The following AUTS2 variants were observed in gnomAD, a reference collection of about 807,000 sequenced individuals.
The protein encoded by AUTS2 is activator of transcription and developmental regulator AUTS2.
Under a neutral mutation model 112.4 loss-of-function variants are expected in AUTS2, and 17 were observed. That is an observed-to-expected ratio of 0.15 (90% CI 0.10 to 0.23). The LOEUF (loss-of-function observed/expected upper bound fraction) is 0.23, where lower values mean the gene tolerates loss of function less well. Among genes scored for constraint, AUTS2 ranks in the 10% least tolerant of loss-of-function variants. AUTS2 has a pLI of 1.00. For synonymous variants in AUTS2, 751 were observed against 702.7 expected (o/e 1.07, Z -1.09); for missense variants, 1,510 against 1,701.6 (o/e 0.89, Z 1.98).
In AUTS2 at chr7:70,064,750, A is replaced by G. The variant is rs574988811; in HGVS notation, c.523-53382A>G. On this transcript the variant is annotated intron_variant, in intron 2 of 18. Transcript: ENST00000342771. Reference sequence around the variant, plus strand: ...TTTTTAAGAGTCATAGTATGGAGAAAGTCCCCTTGTGAAGCTTTGTGTTGG... The same window carrying G: ...TTTTTAAGAGTCATAGTATGGAGAAGGTCCCCTTGTGAAGCTTTGTGTTGG... Among the ~76,000 whole-genome samples the G allele has an allele frequency of 2.0e-5, 3 of 152,332 alleles. No homozygotes were observed. The East Asian group carries it at 5.8e-4, about 29-fold the overall frequency.
intron 4 of AUTS2, among the ~76,000 whole-genome samples, chr7:70,224,877 G>T (rs1811683320): frequency 6.6e-6 from 1 of 152,210 alleles, no homozygotes; most frequent in Admixed American, 6.5e-5. Context: ...ACAGTCACAT[G>T]CAAGTTTATA....
intron 1 of AUTS2, among the ~76,000 whole-genome samples, chr7:69,651,406 G>C (rs1439575072): frequency 6.6e-6 from 1 of 152,206 alleles, no homozygotes; most frequent in Non-Finnish European, 1.5e-5. Flanking sequence ...ATTTTACTCC[G>C]TGGCTAATAT....
intron 2 of AUTS2, among the ~76,000 whole-genome samples, chr7:69,940,708 A>G (rs1407864938): frequency 6.6e-6 from 1 of 152,184 alleles, no homozygotes; most frequent in East Asian, 1.9e-4. Flanking sequence ...ATAGAGGGAG[A>G]CAGTAGAGGA....
intron 5 of AUTS2, among the ~76,000 whole-genome samples, chr7:70,443,342 T>C (rs1015509208): frequency 3.3e-5 from 5 of 152,304 alleles, no homozygotes; most frequent in African/African-American, 7.2e-5. Flanking sequence ...ACCAGCTGTA[T>C]GGCCTTGGGC....
intron 1 of AUTS2, among the ~76,000 whole-genome samples, chr7:69,891,820 G>A (rs1203575925): frequency 1.7e-5 from 1 of 57,254 alleles, no homozygotes; most frequent in Non-Finnish European, 3.2e-5. Flanking sequence ...TTGAGATGGA[G>A]TATCTCTCTG....
chr7:69,684,006 C>T (rs946217549), intron 1 of AUTS2, among the ~76,000 whole-genome samples: 7 of 152,198 alleles, frequency 4.6e-5, no homozygotes, highest in African/African-American at 7.2e-5. Flanking sequence ...TTTTCTCCAG[C>T]TATAAAATGA....
chr7:69,686,286 CT>C (rs1296522136), intron 1 of AUTS2, among the ~76,000 whole-genome samples: 1 of 152,062 alleles, frequency 6.6e-6, no homozygotes, highest in Non-Finnish European at 1.5e-5. Context: ...AATGTCAGAC[CT>C]TTAGGAACAA....
intron 1 of AUTS2, among the ~76,000 whole-genome samples, chr7:69,619,566 T>G (rs189553348): frequency 6.6e-6 from 1 of 152,296 alleles, no homozygotes; most frequent in Admixed American, 6.5e-5. Context: ...AATGATCAGT[T>G]CTGTGTGGAC....
At chr7:70,068,650 G>A (rs1802611366) in intron 2 of AUTS2, among the ~76,000 whole-genome samples, 1 of 152,166 alleles carries the variant, frequency 6.6e-6, no homozygotes, top group African/African-American at 2.4e-5. Context: ...GATACTTCGA[G>A]TGCAATTGAT....
At chr7:70,638,245 G>GA (rs1805626685) in intron 5 of AUTS2, among the ~76,000 whole-genome samples, 1 of 151,944 alleles carries the variant, frequency 6.6e-6, no homozygotes, top group Non-Finnish European at 1.5e-5. Context: ...CCAAACCACA[G>GA]AACCCTGCAG....
intron 6 of AUTS2, among the ~76,000 whole-genome samples, chr7:70,703,697 C>T (rs1809587162): frequency 6.6e-6 from 1 of 152,140 alleles, no homozygotes; most frequent in East Asian, 1.9e-4. Context: ...AGTGCATTTC[C>T]GATGTGCACA....
chr7:70,108,820 G>A (rs1490631985), intron 2 of AUTS2, among the ~76,000 whole-genome samples: 2 of 138,540 alleles, frequency 1.4e-5, no homozygotes, highest in Admixed American at 7.3e-5. Flanking sequence ...AAAAATAGCC[G>A]AGGATGGTAC....
chr7:69,708,113 A>C (rs1410733935), intron 1 of AUTS2, among the ~76,000 whole-genome samples: 1 of 152,140 alleles, frequency 6.6e-6, no homozygotes, highest in Non-Finnish European at 1.5e-5. Context: ...CTCTTCATGA[A>C]AGCTCAGTTT....
At chr7:69,614,370 T>TCTTTCTTTCTTTCTTTCTTTTCTTTC (rs1322536871) in intron 1 of AUTS2, among the ~76,000 whole-genome samples, 5 of 28,504 alleles carry the variant, frequency 1.8e-4, no homozygotes, top group South Asian at 1.1e-3. Context: ...CTTTCTTTTT[T>TCTTTCTTTCTTTCTTTCTTTTCTTTC]TAAGAGATGG....
At chr7:70,673,668 G>A (rs1025981741) in intron 5 of AUTS2, among the ~76,000 whole-genome samples, 10 of 152,148 alleles carry the variant, frequency 6.6e-5, no homozygotes, top group Non-Finnish European at 7.4e-5. Context: ...GAGCCACCAT[G>A]CCTGGCCGGA....
chr7:69,973,770 G>A (rs1356793545), intron 2 of AUTS2, among the ~76,000 whole-genome samples: 3 of 152,156 alleles, frequency 2.0e-5, no homozygotes, highest in African/African-American at 7.2e-5. Context: ...ATTCTTGCAA[G>A]CCTGGAAAAA....
chr7:70,685,707 G>GT (rs2129545724), intron 5 of AUTS2, among the ~76,000 whole-genome samples: 1 of 152,094 alleles, frequency 6.6e-6, no homozygotes, highest in African/African-American at 2.4e-5. Context: ...ACCCTGAATT[G>GT]TTTTTTAAAA....
chr7:70,528,289 T>A (rs529892479), intron 5 of AUTS2, among the ~76,000 whole-genome samples: 4 of 148,766 alleles, frequency 2.7e-5, no homozygotes, highest in South Asian at 2.1e-4. Context: ...TAAAAAAAAA[T>A]AATAAAAAAA....
At chr7:69,849,581 A>C (rs942677992) in intron 1 of AUTS2, among the ~76,000 whole-genome samples, 1 of 151,914 alleles carries the variant, frequency 6.6e-6, no homozygotes, top group Non-Finnish European at 1.5e-5. Context: ...CATCTTTATA[A>C]ATTTTATTCA....
Sources: allele counts gnomAD v4.1 joint callset (sites outside exome capture counted in the v4.1 genomes callset), GRCh38; gene constraint gnomAD v4.1.1; transcripts MANE v1.5; gene names NCBI Gene and HGNC (gene_info 2026-07-23, HGNC 2026-07-21).